The following SCN1A variants were observed in gnomAD, a reference collection of about 807,000 sequenced individuals.
SCN1A encodes the protein sodium voltage-gated channel alpha subunit 1.
Under a neutral mutation model 193.7 loss-of-function variants are expected in SCN1A, and 13 were observed. The observed-to-expected ratio is 0.07, with a 90% CI of 0.04 to 0.11. SCN1A has a LOEUF of 0.11. Ranked by LOEUF, SCN1A falls within the 10% of genes least tolerant of loss-of-function variation. SCN1A has a pLI of 1.00. For missense variants in SCN1A, 1,432 were observed against 2,451.1 expected (o/e 0.58, Z 8.78); for synonymous variants, 781 against 843.6 (o/e 0.93, Z 1.29).
At chr2:166,102,898 G>C (rs1400986008) in intron 2 of SCN1A, among the ~76,000 whole-genome samples, 1 of 152,142 alleles carries the variant, frequency 6.6e-6, no homozygotes, top group Non-Finnish European at 1.5e-5. Flanking sequence ...GTCCTTTGAA[G>C]CAACATGGGT....
At chr2:166,102,421 A>C (rs1015352907) in intron 2 of SCN1A, among the ~76,000 whole-genome samples, 1 of 151,120 alleles carries the variant, frequency 6.6e-6, no homozygotes, top group Non-Finnish European at 1.5e-5. Context: ...GCGTGAACCC[A>C]GGAGGCGGAG....
chr2:166,037,706 G>T (rs950974626), intron 18 of SCN1A, 70 bp downstream of exon 18: 82 of 1,334,530 alleles, frequency 6.1e-5, no homozygotes, highest in Non-Finnish European at 8.8e-5. Context: ...CAATGTGCAG[G>T]TTAGTTACAT....
chr2:166,054,345 T>C (rs578130888), intron 7 of SCN1A, among the ~76,000 whole-genome samples: 2 of 130,726 alleles, frequency 1.5e-5, no homozygotes, highest in East Asian at 4.8e-4. Context: ...TGACATTAGA[T>C]TGTGTGTGTT....
intron 4 of SCN1A, among the ~76,000 whole-genome samples, chr2:166,069,305 T>C (rs755184221): frequency 6.6e-6 from 1 of 151,864 alleles, no homozygotes; most frequent in Non-Finnish European, 1.5e-5. Flanking sequence ...AACCTTCTAA[T>C]GCTTCTATGC....
intron 2 of SCN1A, among the ~76,000 whole-genome samples, chr2:166,107,345 A>C (rs974374050): frequency 2.6e-5 from 4 of 152,174 alleles, no homozygotes; most frequent in African/African-American, 4.8e-5. Flanking sequence ...GTATCGTGCA[A>C]AGTACTTTAC....
chr2:166,118,457 AC>A (rs1240637899), intron 2 of SCN1A, among the ~76,000 whole-genome samples: 2 of 150,802 alleles, frequency 1.3e-5, no homozygotes, highest in East Asian at 3.9e-4. Context: ...AAGTTGATTG[AC>A]CCTTTAAAGG....
chr2:166,088,978 A>C (rs969296462), intron 2 of SCN1A, among the ~76,000 whole-genome samples: 9 of 152,220 alleles, frequency 5.9e-5, no homozygotes, highest in African/African-American at 2.2e-4. Flanking sequence ...TTTGAATTTC[A>C]GATAACTGAT....
At chr2:166,059,824 A>G (rs1299912798) in intron 4 of SCN1A, among the ~76,000 whole-genome samples, 1 of 152,150 alleles carries the variant, frequency 6.6e-6, no homozygotes, top group East Asian at 1.9e-4. Context: ...GGATTTTCTA[A>G]ATTCAAGTAA....
chr2:166,041,485 A>AG lies in SCN1A; in HGVS notation c.2177-17_2177-16insC. On this transcript the variant is annotated splice_polypyrimidine_tract_variant and intron_variant, in intron 15 of 28. Coordinates refer to ENST00000674923, the MANE Select transcript of SCN1A (RefSeq NM_001165963.4). ...TCTTCAAGTTCTAGATTAAGAAAAA[A>AG]AAAAAAAAGAACCACCAAAAGGTAT... is the stretch of plus-strand genomic sequence containing the variant. 6.8e-7 allele frequency: 1 copy of AG among 1,461,418 alleles called. No individual in the cohort carries two copies. The allele number at this position is 1,461,418 out of a possible 1,614,324, so 90.5% of individuals were successfully genotyped here. A position where few individuals can be genotyped will look rare whatever the true frequency, so the allele number is the denominator to read the frequency against.
At chr2:166,039,910 CTTTTT>C (rs10523688) in intron 16 of SCN1A, among the ~76,000 whole-genome samples, 9 of 110,870 alleles carry the variant, frequency 8.1e-5, no homozygotes, top group African/African-American at 2.2e-4. Context: ...TACAAGTCAT[CTTTTT>C]TTTTTTTTTT....
chr2:166,092,375 G>T (rs1686900613), intron 2 of SCN1A, among the ~76,000 whole-genome samples: 1 of 152,264 alleles, frequency 6.6e-6, no homozygotes, highest in East Asian at 1.9e-4. Flanking sequence ...CTGTTTTAGA[G>T]AATGGTCTAG....
intron 19 of SCN1A, among the ~76,000 whole-genome samples, chr2:166,019,335 T>G (rs1196395694): frequency 6.6e-6 from 1 of 152,192 alleles, no homozygotes; most frequent in Non-Finnish European, 1.5e-5. Flanking sequence ...TTTTAAAACA[T>G]TTTTTAAGCA....
intron 9 of SCN1A, among the ~76,000 whole-genome samples, chr2:166,049,776 T>C (rs1698319271): frequency 1.3e-5 from 2 of 151,988 alleles, no homozygotes; most frequent in Admixed American, 6.6e-5. Flanking sequence ...GACACTACTA[T>C]ATTGTAATTA....
At chr2:166,073,144 T>G (rs1684631835) in intron 4 of SCN1A, among the ~76,000 whole-genome samples, 1 of 152,180 alleles carries the variant, frequency 6.6e-6, no homozygotes, top group Non-Finnish European at 1.5e-5. Context: ...GGCCTCTTTT[T>G]ATTTGTCATG....
At chr2:165,995,819 C>T (rs540231045) in intron 27 of SCN1A, among the ~76,000 whole-genome samples, 194 bp downstream of exon 27, 17 of 151,242 alleles carry the variant, frequency 1.1e-4, no homozygotes, top group Non-Finnish European at 2.1e-4. Flanking sequence ...TCTATTTCTT[C>T]TTGTTCTTTT....
At chr2:166,011,294 A>G (rs1692414133) in intron 22 of SCN1A, among the ~76,000 whole-genome samples, 1 of 151,178 alleles carries the variant, frequency 6.6e-6, no homozygotes, top group Non-Finnish European at 1.5e-5. Context: ...AAACTACTCA[A>G]TATGAAATCA....
rs1395075117 is a variant in SCN1A at position 165,999,783 on chromosome 2, A to G, written c.4285-7T>C. The G allele has an allele frequency of 1.3e-6, 2 of 1,597,714 alleles. No homozygotes were observed. Among genetic ancestry groups the G allele is most frequent in the East Asian group, 4.5e-5 (2 of 44,596 alleles). ...TCCATCCTTTGAATGTGGCCTATTA[A>G]GAAGGACATGCATGTTTTACTTTGG... On this transcript the variant is annotated splice_region_variant and splice_polypyrimidine_tract_variant and intron_variant, in intron 24 of 28. Transcript: ENST00000674923.
chr2:166,084,318 C>T (rs897375534), intron 2 of SCN1A, among the ~76,000 whole-genome samples: 2 of 149,138 alleles, frequency 1.3e-5, no homozygotes, highest in Non-Finnish European at 3.0e-5. Flanking sequence ...GTAGACACTT[C>T]AAGTCCATTC....
At chr2:165,996,829 G>C (rs1383332651) in intron 26 of SCN1A, among the ~76,000 whole-genome samples, 2 of 151,280 alleles carry the variant, frequency 1.3e-5, no homozygotes, top group Non-Finnish European at 3.0e-5. Context: ...CAAACCTACT[G>C]AACAAGTGAG....
Sources: gnomAD v4.1 joint callset for allele counts (sites outside exome capture counted in the v4.1 genomes callset) on GRCh38, gnomAD v4.1.1 for gene constraint, MANE v1.5 for transcripts, NCBI Gene and HGNC (gene_info 2026-07-23, HGNC 2026-07-21) for gene names.